Variants in SLC9B2 observed in about 807,000 individuals in gnomAD.
SLC9B2 encodes solute carrier family 9 member B2, also known as sodium/hydrogen exchanger 9B2.
In SLC9B2, 39 loss-of-function variants were observed where a neutral mutation model predicts 52.2. The ratio of observed to expected loss-of-function variants is 0.75; its 90% CI spans 0.58 to 0.98. The LOEUF (loss-of-function observed/expected upper bound fraction) is 0.98, where lower values mean the gene tolerates loss of function less well. Ranked by LOEUF, SLC9B2 falls within the 50% of genes least tolerant of loss-of-function variation. The pLI, the probability that SLC9B2 is intolerant of heterozygous loss-of-function variation, is 0.00. For missense variants in SLC9B2, 626 were observed against 637.5 expected (o/e 0.98, Z 0.19); for synonymous variants, 214 against 227.0 (o/e 0.94, Z 0.51).
intron 1 of SLC9B2, among the ~76,000 whole-genome samples, chr4:103,073,825 A>G (rs552461924): frequency 6.6e-6 from 1 of 152,354 alleles, no homozygotes; most frequent in Admixed American, 6.5e-5. Context: ...CAGAATCTAC[A>G]GAGACCGAAT....
At chr4:103,036,092 C>A (rs1743147360) in intron 9 of SLC9B2, among the ~76,000 whole-genome samples, 1 of 152,042 alleles carries the variant, frequency 6.6e-6, no homozygotes, top group Non-Finnish European at 1.5e-5. Flanking sequence ...AAAGCTGCAC[C>A]CCTACAATCA....
At position 103,026,110 on chromosome 4, in the gene SLC9B2, C is replaced by T. The variant is rs1426223557; in HGVS notation, c.*260G>A. ...ACATTAACTGTAAACTGTGGTAGTA[C>T]ATTAAAGTAGATATGTCCTTATGCA... On this transcript the variant is annotated 3_prime_UTR_variant, in exon 12 of 12. Coordinates refer to ENST00000394785, the MANE Select transcript of SLC9B2 (RefSeq NM_178833.7). 5 of 304,278 alleles carry T rather than the reference C, an allele frequency of 1.6e-5. No individual in the cohort carries two copies. The Admixed American group carries it at 2.4e-4, about 15-fold the overall frequency. 18.8% of individuals were successfully genotyped at this position (304,278 alleles called of 1,614,324 possible). A position where few individuals can be genotyped will look rare whatever the true frequency, so the allele number is the denominator to read the frequency against.
At chr4:103,035,813 C>T (rs1447040852) in intron 9 of SLC9B2, among the ~76,000 whole-genome samples, 3 of 152,166 alleles carry the variant, frequency 2.0e-5, no homozygotes, top group Non-Finnish European at 4.4e-5. Flanking sequence ...ACCATTAAGA[C>T]ACATGAACGT....
At chr4:103,038,541 T>C (rs1005101786) in intron 9 of SLC9B2, among the ~76,000 whole-genome samples, 8 of 152,180 alleles carry the variant, frequency 5.3e-5, no homozygotes, top group African/African-American at 1.9e-4. Flanking sequence ...GAATAGGCTG[T>C]GTATAAAAGA....
rs547282763 is a variant in SLC9B2 at position 103,047,143 on chromosome 4, C to T, written c.797G>A (p.Gly266Asp). ...AGCTGCCATGAGCAAGGTTGGGACA[C>T]CCTTCTCAACACCATAGCCTCCTCC... ...LQGGGYGVEK[G>D]VPTLLMAAGS... The change falls in exon 7 of 12, where the codon GGT (glycine) becomes GAT (aspartate). Residue 266 changes from glycine to aspartate, a missense_variant. Transcript: ENST00000394785. 42 of 1,613,854 alleles carry T rather than the reference C, an allele frequency of 2.6e-5. No homozygotes were observed. Among genetic ancestry groups the T allele is most frequent in the Non-Finnish European group, 3.6e-5 (42 of 1,179,944 alleles).
chr4:103,065,257 A>G (rs1481713390), intron 3 of SLC9B2, among the ~76,000 whole-genome samples: 1 of 152,032 alleles, frequency 6.6e-6, no homozygotes, highest in Non-Finnish European at 1.5e-5. Flanking sequence ...TGGTCACAGG[A>G]TACAAAATTT....
intron 8 of SLC9B2, 29 bp from the exon 9 acceptor site, chr4:103,043,474 A>G (rs781441522): frequency 1.3e-6 from 2 of 1,568,742 alleles, no homozygotes; most frequent in Non-Finnish European, 1.7e-6. Context: ...CATTTGCTCA[A>G]TTATTTCAAA....
At chr4:103,034,284 A>G (rs1742963574) in intron 9 of SLC9B2, among the ~76,000 whole-genome samples, 1 of 152,160 alleles carries the variant, frequency 6.6e-6, no homozygotes, top group African/African-American at 2.4e-5. Context: ...CCCCTTCCTT[A>G]CAACGTATAC....
intron 4 of SLC9B2, among the ~76,000 whole-genome samples, chr4:103,057,301 C>A (rs1009151733): frequency 2.0e-5 from 3 of 149,658 alleles, no homozygotes; most frequent in African/African-American, 5.0e-5. Flanking sequence ...TATATACACA[C>A]ACACACACAC....
downstream of SLC9B2, among the ~76,000 whole-genome samples, chr4:103,018,512 G>A (rs1348223624): frequency 6.6e-5 from 10 of 152,168 alleles, no homozygotes; most frequent in East Asian, 1.9e-3. Context: ...ACAATAATAA[G>A]TGTCATTTTT....
intron 1 of SLC9B2, among the ~76,000 whole-genome samples, chr4:103,068,493 C>T (rs75617548): frequency 0.019 from 2,915 of 152,252 alleles, 48 homozygotes; most frequent in Non-Finnish European, 0.03. Flanking sequence ...GATACAGTGC[C>T]TGGAAGGGCA....
Position 103,028,847 on chromosome 4 carries a change from A to T in SLC9B2, c.1292T>A (p.Ile431Lys). 6.2e-7 allele frequency: 1 copy of T among 1,608,372 alleles called. No individual in the cohort carries two copies. The highest frequency in any genetic ancestry group is 8.5e-7 in the Non-Finnish European group (1 of 1,178,192). Residue 431 changes from isoleucine to lysine, a missense_variant, in exon 11 of 12, where the codon ATA becomes AAA. Transcript: ENST00000394785. Reference sequence around the variant, plus strand: ...CATCAGAAATGTAGTCAAAATTCGTATCAATACTGCAATGCCTACGGTGGC... The same window carrying T: ...CATCAGAAATGTAGTCAAAATTCGTTTCAATACTGCAATGCCTACGGTGGC... ...CVATVGIAVL[I>K]RILTTFLMVC...
At chr4:103,056,171 G>T (rs1018536269) in intron 4 of SLC9B2, among the ~76,000 whole-genome samples, 3 of 152,124 alleles carry the variant, frequency 2.0e-5, no homozygotes, top group African/African-American at 7.2e-5. Context: ...ATTTGTGTAT[G>T]TGTCTTGTTT....
chr4:103,019,855 C>T (rs961959300), downstream of SLC9B2: 3 of 985,848 alleles, frequency 3.0e-6, no homozygotes, highest in Non-Finnish European at 3.6e-6. Flanking sequence ...CCTTTCCTTT[C>T]GACGTCTCTT....
At chr4:103,026,894 GGTTTT>G (rs931579392) in intron 11 of SLC9B2, among the ~76,000 whole-genome samples, 16 of 152,128 alleles carry the variant, frequency 1.1e-4, no homozygotes, top group African/African-American at 2.9e-4. Context: ...GTGTATTGCA[GGTTTT>G]GTTTTGTTTT....
chr4:103,048,702 A>T, intron 6 of SLC9B2, 191 bp downstream of exon 6: 1 of 625,242 alleles, frequency 1.6e-6, no homozygotes, highest in Non-Finnish European at 2.5e-6. Flanking sequence ...AGTAGGTGCT[A>T]ACTGTAAGAG....
intron 7 of SLC9B2, among the ~76,000 whole-genome samples, chr4:103,045,665 G>A (rs2110607728): frequency 6.6e-6 from 1 of 152,138 alleles, no homozygotes; most frequent in South Asian, 2.1e-4. Context: ...AACTAGGAAG[G>A]TTCTTCGAGC....
intron 5 of SLC9B2, among the ~76,000 whole-genome samples, chr4:103,049,973 G>A (rs1041907387): frequency 9.9e-4 from 149 of 150,446 alleles, no homozygotes; most frequent in Middle Eastern, 3.4e-3. Context: ...AGATCAAGCC[G>A]CTGTACTCCA....
chr4:103,030,914 G>T (rs1742640108), intron 10 of SLC9B2, among the ~76,000 whole-genome samples: 1 of 152,028 alleles, frequency 6.6e-6, no homozygotes, highest in African/African-American at 2.4e-5. Flanking sequence ...CATGTAAGTG[G>T]AATCATACAG....
Sources: gnomAD v4.1 joint callset for allele counts (sites outside exome capture counted in the v4.1 genomes callset) on GRCh38, gnomAD v4.1.1 for gene constraint, MANE v1.5 for transcripts, NCBI Gene and HGNC (gene_info 2026-07-23, HGNC 2026-07-21) for gene names.